Variants in MMP28 observed in about 807,000 individuals in gnomAD.
The protein encoded by MMP28 is matrix metalloproteinase-28.
Under a neutral mutation model 60.5 loss-of-function variants are expected in MMP28, and 55 were observed. The ratio of observed to expected loss-of-function variants is 0.91; its 90% CI spans 0.73 to 1.14. The LOEUF is 1.14. Among genes scored for constraint, MMP28 ranks in the 50% most tolerant of loss-of-function variants. MMP28 has a pLI of 0.00. For synonymous variants in MMP28, 318 were observed against 312.5 expected (o/e 1.02, Z -0.18); for missense variants, 686 against 738.3 (o/e 0.93, Z 0.82).
chr17:35,763,012 C>T (rs1370224635), downstream of MMP28, among the ~76,000 whole-genome samples: 1 of 151,734 alleles, frequency 6.6e-6, no homozygotes. Flanking sequence ...GTCCCAGTTA[C>T]TCGGGAGGCT....
rs544650123 is a variant in MMP28, at chr17:35,795,076, G to A, written c.111+191C>T. ...CCAGCCCATCAGTGCGGATCCGCGTGCCTGTGTGGTTCCAGCCTGGCACGG... is the reference window on the plus strand; with the variant it reads ...CCAGCCCATCAGTGCGGATCCGCGTACCTGTGTGGTTCCAGCCTGGCACGG... On this transcript the variant is annotated intron_variant, in intron 1 of 7. Coordinates refer to ENST00000605424, the MANE Select transcript of MMP28 (RefSeq NM_024302.5). 2.4e-3 allele frequency among the ~76,000 whole-genome samples: 363 copies of A among 152,360 alleles called. 2 individuals are homozygous for A. The highest frequency in any genetic ancestry group is 8.2e-3 in the African/African-American group (343 of 41,596).
chr17:35,773,328 C>T lies in MMP28; in HGVS notation c.456G>A (p.Arg152=). The T allele has an allele frequency of 6.2e-7, 1 of 1,612,970 alleles. No homozygotes were observed. Among genetic ancestry groups the T allele is most frequent in the Admixed American group, 1.7e-5 (1 of 59,826 alleles). Residue 152 remains arginine, a synonymous_variant, in exon 4 of 8, where the codon CGG becomes CGA. Coordinates refer to ENST00000605424, the MANE Select transcript of MMP28 (RefSeq NM_024302.5). The stretch of plus-strand genomic sequence containing the variant: ...ACTGGAAGGCGGCGCGCACGGCGCC[C>T]CGAACTGCCGGCTCCGGCAGATGCT... ...WPEHLPEPAV[R]GAVRAAFQLW...
At chr17:35,763,824 G>A (rs1420906320), downstream of MMP28, among the ~76,000 whole-genome samples, 2 of 151,906 alleles carry the variant, frequency 1.3e-5, no homozygotes, top group African/African-American at 4.8e-5. Flanking sequence ...TTGAGCCCGT[G>A]AGGCGGAGGT....
intron 1 of MMP28, among the ~76,000 whole-genome samples, chr17:35,790,328 G>A (rs916015697): frequency 6.6e-6 from 1 of 152,090 alleles, no homozygotes; most frequent in Non-Finnish European, 1.5e-5. Flanking sequence ...GCCTCCCAAA[G>A]TGCTGGGATT....
intron 1 of MMP28, among the ~76,000 whole-genome samples, chr17:35,783,279 C>T (rs2086559090): frequency 6.6e-6 from 1 of 152,230 alleles, no homozygotes; most frequent in African/African-American, 2.4e-5. Flanking sequence ...AAAGTAAATA[C>T]TCAATAAACA....
Position 35,779,094 on chromosome 17 carries a change from C to T in MMP28, c.192-19G>A, listed in dbSNP as rs374311622. The T allele has an allele frequency of 2.7e-5, 43 of 1,610,974 alleles. No individual in the cohort carries two copies. Among genetic ancestry groups the T allele is most frequent in the Middle Eastern group, 1.7e-4 (1 of 6,024 alleles). ...AAACGCTCTGTCAGGAGGAAAGGAC[C>T]GCAAGGGGAGGGTGAGTGGTAAGGG... On this transcript the variant is annotated intron_variant, in intron 2 of 7. Coordinates refer to ENST00000605424, the MANE Select transcript of MMP28 (RefSeq NM_024302.5).
Position 35,794,315 on chromosome 17 carries a change from G to A in MMP28, c.111+952C>T, listed in dbSNP as rs185952294. ...GGTTGCAGTGCAATGGCAGGATCTC[G>A]GCTCACTGCAACCTCTGCCTCCCGG... On this transcript the variant is annotated intron_variant, in intron 1 of 7. Transcript: ENST00000605424. Among the ~76,000 whole-genome samples, 7 of 145,750 alleles carry A rather than the reference G, an allele frequency of 4.8e-5. No homozygotes were observed. In the East Asian group the frequency reaches 1.3e-3, roughly 27 times the overall value.
At chr17:35,768,915 A>G (rs1476488841) in intron 5 of MMP28, among the ~76,000 whole-genome samples, 1 of 152,240 alleles carries the variant, frequency 6.6e-6, no homozygotes, top group Non-Finnish European at 1.5e-5. Context: ...ACCTCCTGAG[A>G]TAAAATTGGA....
At chr17:35,763,045 CCGG>C (rs1555601796), downstream of MMP28, among the ~76,000 whole-genome samples, 2 of 151,788 alleles carry the variant, frequency 1.3e-5, no homozygotes, top group Non-Finnish European at 2.9e-5. Flanking sequence ...TGGCGTGAAC[CCGG>C]CAGGTGGAGC....
chr17:35,789,992 T>G (rs2086763864), intron 1 of MMP28, among the ~76,000 whole-genome samples: 2 of 151,122 alleles, frequency 1.3e-5, no homozygotes, highest in Non-Finnish European at 2.9e-5. Context: ...GAATTCCTGA[T>G]CTCAGGTGAT....
intron 2 of MMP28, among the ~76,000 whole-genome samples, chr17:35,759,896 A>T (rs2085786773): frequency 6.6e-6 from 1 of 152,154 alleles, no homozygotes; most frequent in Non-Finnish European, 1.5e-5. Context: ...TCTGACTTGG[A>T]GCCTCATGTT....
At position 35,767,936 on chromosome 17, in the gene MMP28, G is replaced by T; in HGVS notation, c.1001-17C>A. 6.5e-7 allele frequency: 1 copy of T among 1,543,680 alleles called. No individual in the cohort carries two copies. The highest frequency in any genetic ancestry group is 8.7e-7 in the Non-Finnish European group (1 of 1,146,682). ...GTTGCCTGTCTGCCCAGAGACAAGA[G>T]AGAGTTGAGGAGTGACCATCAGCTT... is the stretch of plus-strand genomic sequence containing the variant. On this transcript the variant is annotated splice_polypyrimidine_tract_variant and intron_variant, in intron 6 of 7. Coordinates refer to ENST00000605424, the MANE Select transcript of MMP28 (RefSeq NM_024302.5).
In MMP28 at chr17:35,774,550, G is replaced by A. The variant is rs771571232; in HGVS notation, c.380-1146C>T. 5.4e-4 allele frequency among the ~76,000 whole-genome samples: 83 copies of A among 152,298 alleles called. 1 individual carries two copies. The highest frequency in any genetic ancestry group is 5.7e-4 in the Non-Finnish European group (39 of 68,026). ...AATCTGCCCAAACATCATTCCTGCC[G>A]GTCAAAGCATGAACTAAGATTCTCC... On this transcript the variant is annotated intron_variant, in intron 3 of 7. Transcript: ENST00000605424.
At chr17:35,787,527 G>A (rs150843683) in intron 1 of MMP28, among the ~76,000 whole-genome samples, 1 of 151,904 alleles carries the variant, frequency 6.6e-6, no homozygotes, top group Non-Finnish European at 1.5e-5. Context: ...GTCTTGTTCT[G>A]TTGCCCAGGC....
At chr17:35,782,021 G>A (rs949310047) in intron 1 of MMP28, among the ~76,000 whole-genome samples, 1 of 150,420 alleles carries the variant, frequency 6.6e-6, no homozygotes, top group African/African-American at 2.5e-5. Flanking sequence ...GGTGCTGCAT[G>A]CCACCTTGCC....
intron 1 of MMP28, among the ~76,000 whole-genome samples, chr17:35,794,640 G>T (rs115438599): frequency 1.3e-5 from 2 of 152,044 alleles, no homozygotes; most frequent in African/African-American, 4.8e-5. Context: ...AGCAAGTTGA[G>T]TCCAAAGCAA....
chr17:35,773,268 C>T lies in MMP28; in HGVS notation c.516G>A (p.Glu172=). Residue 172 remains glutamate (E), a synonymous_variant, in exon 4 of 8, where the codon GAG becomes GAA. Transcript: ENST00000605424. The stretch of plus-strand genomic sequence containing the variant: ...TGTCAGCGGGGCCTGTGGCTGGGGC[C>T]TCCCAGAACTCCAGCGCTGAGACGT... ...WSNVSALEFW[E]APATGPADIR... The T allele has an allele frequency of 6.2e-7, 1 of 1,614,008 alleles. No homozygotes were observed. Among genetic ancestry groups the T allele is most frequent in the East Asian group, 2.2e-5 (1 of 44,876 alleles).
downstream of MMP28, among the ~76,000 whole-genome samples, chr17:35,761,387 A>G (rs2085817138): frequency 6.7e-6 from 1 of 150,266 alleles, no homozygotes; most frequent in Admixed American, 6.6e-5. Context: ...CTGGGATTAC[A>G]GGCATGAGCC....
chr17:35,794,128 T>G (rs2086894413), intron 1 of MMP28, among the ~76,000 whole-genome samples: 1 of 151,462 alleles, frequency 6.6e-6, no homozygotes, highest in Admixed American at 6.6e-5. Flanking sequence ...CCTGTTCATA[T>G]CCCTTCTCCT....
Sources: allele counts gnomAD v4.1 joint callset (sites outside exome capture counted in the v4.1 genomes callset), GRCh38; gene constraint gnomAD v4.1.1; transcripts MANE v1.5; gene names NCBI Gene and HGNC (gene_info 2026-07-23, HGNC 2026-07-21).